The following COL15A1 variants were observed in gnomAD, a reference collection of about 807,000 sequenced individuals.
COL15A1 encodes the protein collagen type XV alpha 1 chain.
COL15A1 carries 111 observed loss-of-function variants against 165.9 expected under a neutral mutation model. The observed-to-expected ratio is 0.67, with a 90% CI of 0.57 to 0.78. The LOEUF (loss-of-function observed/expected upper bound fraction) is 0.78, where lower values mean the gene tolerates loss of function less well. Ranked by LOEUF, COL15A1 falls within the 30% of genes least tolerant of loss-of-function variation. The pLI is 0.00. For synonymous variants in COL15A1, 659 were observed against 674.8 expected, an observed-to-expected ratio of 0.98 and a Z score of 0.36; for missense variants, 1,745 against 1,789.7, an observed-to-expected ratio of 0.98 and a Z score of 0.45.
At position 99,056,316 on chromosome 9, in the gene COL15A1, G is replaced by T. The variant is rs1274719619; in HGVS notation, c.3249G>T (p.Leu1083=). Reference sequence around the variant, plus strand: ...AAGGACCCCCAGGTGCTCCTGGTCTGCCTGGGCCACCTGGCTTTGGAAGAC... The same window carrying T: ...AAGGACCCCCAGGTGCTCCTGGTCTTCCTGGGCCACCTGGCTTTGGAAGAC... The part of the protein sequence containing the change: ...GPQGPPGAPG[L]PGPPGFGRPG... The change falls in exon 35 of 42, where the codon CTG becomes CTT. Residue 1083 remains leucine, a synonymous_variant. Coordinates refer to ENST00000375001, the MANE Select transcript of COL15A1 (RefSeq NM_001855.5). 1.9e-6 allele frequency: 3 copies of T among 1,613,916 alleles called. No individual in the cohort carries two copies. The highest frequency in any genetic ancestry group is 1.3e-5 in the African/African-American group (1 of 74,936).
At position 99,015,308 on chromosome 9, in the gene COL15A1, G is replaced by C. The variant is rs1216057843; in HGVS notation, c.1354-109G>C. The C allele has an allele frequency of 6.8e-6, 5 of 732,300 alleles. No homozygotes were observed. In the East Asian group the frequency reaches 7.4e-5, roughly 11 times the overall value. The allele number at this position is 732,300 out of a possible 1,614,324, so 45.4% of individuals were successfully genotyped here. ...GAGGAGCAAAGGAAAGGGAATCATGGAGCCTCCAGTTATCTGAGGCTTTAG... is the reference window on the plus strand; with the variant it reads ...GAGGAGCAAAGGAAAGGGAATCATGCAGCCTCCAGTTATCTGAGGCTTTAG... On this transcript the variant is annotated intron_variant, in intron 9 of 41. Coordinates refer to ENST00000375001, the MANE Select transcript of COL15A1 (RefSeq NM_001855.5).
chr9:99,060,252 A>ATTT lies in COL15A1; in HGVS notation c.3402+300_3402+301insTTT, dbSNP rs1267987537. Reference sequence around the variant, plus strand: ...TATATTTTTATATATATATATATATATATATTTTTTTTTTGCTGGATGAGG... The same window carrying ATTT: ...TATATTTTTATATATATATATATATATTTTATATTTTTTTTTTGCTGGATGAGG... On this transcript the variant is annotated intron_variant, in intron 36 of 41. Transcript: ENST00000375001. 3.0e-5 allele frequency among the ~76,000 whole-genome samples: 4 copies of ATTT among 132,156 alleles called. 1 individual carries two copies. In the South Asian group the frequency reaches 9.8e-4, roughly 33 times the overall value. The allele number at this position is 132,156 out of a possible 152,430, so 86.7% of individuals were successfully genotyped here. A position where few individuals can be genotyped will look rare whatever the true frequency, so the allele number is the denominator to read the frequency against.
intron 2 of COL15A1, among the ~76,000 whole-genome samples, chr9:98,964,464 A>T (rs1837922647): frequency 1.3e-5 from 2 of 152,200 alleles, no homozygotes; most frequent in South Asian, 4.2e-4. Flanking sequence ...CCAGCATCCC[A>T]CAGAGAGTGT....
intron 41 of COL15A1, 41 bp from the exon 42 acceptor site, chr9:99,069,632 A>G: frequency 6.3e-7 from 1 of 1,584,562 alleles, no homozygotes; most frequent in Non-Finnish European, 8.6e-7. Flanking sequence ...ACCACAAAGA[A>G]GTGTCATTTT....
chr9:99,030,422 C>T (rs778966547), intron 16 of COL15A1, among the ~76,000 whole-genome samples: 2 of 152,170 alleles, frequency 1.3e-5, no homozygotes, highest in Non-Finnish European at 2.9e-5. Flanking sequence ...TGGAGCTCCT[C>T]CTTTTCACCC....
chr9:98,983,321 C>T (rs1478268112), intron 2 of COL15A1, among the ~76,000 whole-genome samples: 1 of 152,182 alleles, frequency 6.6e-6, no homozygotes, highest in Non-Finnish European at 1.5e-5. Context: ...ATCCTTCTTG[C>T]TGCTGAAGGG....
At position 99,056,346 on chromosome 9, in the gene COL15A1, T is replaced by C. The variant is rs370233282; in HGVS notation, c.3279T>C (p.Gly1093=). 3.5e-5 allele frequency: 57 copies of C among 1,613,682 alleles called. No homozygotes were observed. The highest frequency in any genetic ancestry group is 4.8e-5 in the Non-Finnish European group (57 of 1,180,012). Residue 1093 remains glycine, a synonymous_variant, in exon 35 of 42, where the codon GGT becomes GGC. Coordinates refer to ENST00000375001, the MANE Select transcript of COL15A1 (RefSeq NM_001855.5). ...LPGPPGFGRP[G]DPGPPGPPGP... Reference sequence around the variant, plus strand: ...GGCCACCTGGCTTTGGAAGACCTGGTGATCCTGGGCCACCGGGGCCCCCGG... The same window carrying C: ...GGCCACCTGGCTTTGGAAGACCTGGCGATCCTGGGCCACCGGGGCCCCCGG...
intron 5 of COL15A1, among the ~76,000 whole-genome samples, chr9:98,991,108 G>A (rs960759675): frequency 1.3e-5 from 2 of 152,178 alleles, no homozygotes; most frequent in Admixed American, 6.5e-5. Flanking sequence ...CACCCCATGA[G>A]TGTTACAGCT....
intron 2 of COL15A1, among the ~76,000 whole-genome samples, chr9:98,958,405 A>C (rs75801704): frequency 2.6e-5 from 4 of 152,320 alleles, no homozygotes; most frequent in African/African-American, 9.6e-5. Context: ...AGTGGGATAC[A>C]AAACTGCCCA....
chr9:99,065,242 T>C (rs1392721544), intron 39 of COL15A1, among the ~76,000 whole-genome samples: 1 of 152,194 alleles, frequency 6.6e-6, no homozygotes, highest in Non-Finnish European at 1.5e-5. Context: ...GCCCTGCAGT[T>C]GCCCCCTGCC....
chr9:98,946,144 G>T (rs547110081), intron 2 of COL15A1, among the ~76,000 whole-genome samples: 1 of 152,318 alleles, frequency 6.6e-6, no homozygotes, highest in Non-Finnish European at 1.5e-5. Flanking sequence ...AAAACACTTT[G>T]TATATCCAGG....
In COL15A1 at chr9:98,987,324, G is replaced by A. The variant is rs151042085; in HGVS notation, c.679G>A (p.Asp227Asn). ...CCTCCAGCAGCTCACCGTGCACCCCGACCCCAGGACTCCCGAGGAGCTGTG... is the reference window on the plus strand; with the variant it reads ...CCTCCAGCAGCTCACCGTGCACCCCAACCCCAGGACTCCCGAGGAGCTGTG... ...GSLQQLTVHPDPRTPEELCDP... is the reference protein window; with the variant it reads ...GSLQQLTVHPNPRTPEELCDP... Residue 227 changes from aspartate (D) to asparagine (N), a missense_variant, in exon 4 of 42, where the codon GAC becomes AAC. Transcript: ENST00000375001. 18 of 1,613,130 alleles carry A rather than the reference G, an allele frequency of 1.1e-5. No individual in the cohort carries two copies. In the Admixed American group the frequency reaches 1.3e-4, roughly 12 times the overall value.
chr9:98,997,783 C>G (rs1290804547), intron 6 of COL15A1: 1 of 152,318 alleles, frequency 6.6e-6, no homozygotes, highest in Non-Finnish European at 1.5e-5. Context: ...GCGTCAAACA[C>G]TATCCCCCAG....
At chr9:99,053,369 A>G (rs1176687179) in intron 31 of COL15A1, among the ~76,000 whole-genome samples, 2 of 152,214 alleles carry the variant, frequency 1.3e-5, no homozygotes, top group Admixed American at 6.5e-5. Context: ...ATTCAGTTCA[A>G]GGCTCCCCTT....
intron 6 of COL15A1, among the ~76,000 whole-genome samples, chr9:98,998,564 C>T (rs756190131): frequency 1.3e-5 from 2 of 152,162 alleles, no homozygotes; most frequent in Non-Finnish European, 2.9e-5. Flanking sequence ...ATTCCTTAGC[C>T]GTCCTCTGGG....
chr9:98,944,992 C>T (rs1837554702), intron 2 of COL15A1, among the ~76,000 whole-genome samples: 1 of 152,188 alleles, frequency 6.6e-6, no homozygotes, highest in East Asian at 1.9e-4. Context: ...TGGATTTCAT[C>T]GCTCTGTGCC....
intron 33 of COL15A1, 50 bp downstream of exon 33, chr9:99,055,201 T>A: frequency 6.3e-7 from 1 of 1,591,328 alleles, no homozygotes; most frequent in Non-Finnish European, 8.6e-7. Context: ...GGTTTTGGTT[T>A]ATGTCAGAGA....
At chr9:98,984,666 A>C (rs1038920505) in intron 2 of COL15A1, among the ~76,000 whole-genome samples, 3 of 152,234 alleles carry the variant, frequency 2.0e-5, no homozygotes, top group Non-Finnish European at 2.9e-5. Context: ...AAAGGCGATG[A>C]CAATGACGCA....
intron 9 of COL15A1, among the ~76,000 whole-genome samples, chr9:99,007,612 T>TA (rs1310008528): frequency 6.6e-6 from 1 of 151,902 alleles, no homozygotes. Flanking sequence ...AAACAACAAA[T>TA]AAAAAAAGAA....
Sources: allele counts gnomAD v4.1 joint callset (sites outside exome capture counted in the v4.1 genomes callset), GRCh38; gene constraint gnomAD v4.1.1; transcripts MANE v1.5; gene names NCBI Gene and HGNC (gene_info 2026-07-23, HGNC 2026-07-21).